The following RAP1GAP2 variants were observed in gnomAD, a reference collection of about 807,000 sequenced individuals.
RAP1GAP2 encodes rap1 GTPase-activating protein 2.
A neutral mutation model predicts 95.0 loss-of-function variants in RAP1GAP2; 27 were observed. The ratio of observed to expected loss-of-function variants is 0.28; its 90% CI spans 0.21 to 0.39. The LOEUF is 0.39. RAP1GAP2 is among the 10% of genes least tolerant of loss of function. The probability of loss-of-function intolerance (pLI) is 1.00; values close to 1 mark genes in which losing one functional copy is unlikely to be tolerated. For synonymous variants in RAP1GAP2, 373 were observed against 380.9 expected, an observed-to-expected ratio of 0.98 and a Z score of 0.24; for missense variants, 771 against 970.0, an observed-to-expected ratio of 0.79 and a Z score of 2.72.
At chr17:2,808,177 G>C (rs1193796642) in intron 2 of RAP1GAP2, among the ~76,000 whole-genome samples, 2 of 152,228 alleles carry the variant, frequency 1.3e-5, no homozygotes, top group Admixed American at 1.3e-4. Flanking sequence ...GGTGTGACAA[G>C]GACCCCGTTT....
At chr17:2,993,443 C>A (rs900291494) in intron 12 of RAP1GAP2, among the ~76,000 whole-genome samples, 5 of 133,596 alleles carry the variant, frequency 3.7e-5, no homozygotes, top group Non-Finnish European at 6.5e-5. Flanking sequence ...CGTGGTGGCA[C>A]GTGCCTGTAG....
rs66503004 is a variant in RAP1GAP2 at position 2,822,627 on chromosome 17, G to GT, written c.80+22100dup. Among the ~76,000 whole-genome samples the GT allele has an allele frequency of 8.0e-3, 1,020 of 127,744 alleles. 4 individuals carry two copies. Among genetic ancestry groups the GT allele is most frequent in the East Asian group, 0.029 (111 of 3,798 alleles). The allele number at this position is 127,744 out of a possible 152,430, so 83.8% of individuals were successfully genotyped here. On this transcript the variant is annotated intron_variant, in intron 2 of 24. Transcript: ENST00000254695. ...GGACAATAAAACCCTGTTTTTTTTT[G>GT]TTTTTTTTTTTTTTTTTTTTTTTAA...
In RAP1GAP2 at chr17:2,985,724, G is replaced by A. The variant is rs532250392; in HGVS notation, c.813+658G>A. Among the ~76,000 whole-genome samples, 45 of 152,254 alleles carry A rather than the reference G, an allele frequency of 3.0e-4. No individual in the cohort carries two copies. The South Asian group carries it at 8.1e-3, about 27-fold the overall frequency. ...TTCTCAAAGTGTGTTTCATGAATGCGAGTCTGATGGTGTACTCTGTGAGCA... is the reference window on the plus strand; with the variant it reads ...TTCTCAAAGTGTGTTTCATGAATGCAAGTCTGATGGTGTACTCTGTGAGCA... On this transcript the variant is annotated intron_variant, in intron 11 of 24. Coordinates refer to ENST00000254695, the MANE Select transcript of RAP1GAP2 (RefSeq NM_015085.5).
chr17:2,768,261 A>G (rs1413796735), intron 1 of RAP1GAP2, among the ~76,000 whole-genome samples: 2 of 152,212 alleles, frequency 1.3e-5, no homozygotes, highest in African/African-American at 2.4e-5. Flanking sequence ...GGTTGTACCA[A>G]GTGACATTCC....
intron 2 of RAP1GAP2, among the ~76,000 whole-genome samples, chr17:2,897,765 C>T (rs772058714): frequency 2.6e-5 from 4 of 152,068 alleles, no homozygotes; most frequent in Non-Finnish European, 4.4e-5. Context: ...GGGGTTTGGG[C>T]GGTTCCCTCG....
rs58436827 is a variant in RAP1GAP2, at chr17:2,769,232, T to TAAAAAAAA, written c.51-1064_51-1057dup. Among the ~76,000 whole-genome samples the TAAAAAAAA allele has an allele frequency of 6.8e-4, 29 of 42,912 alleles. 1 individual carries two copies. The highest frequency in any genetic ancestry group is 1.1e-3 in the Non-Finnish European group (27 of 24,556). The allele number at this position is 42,912 out of a possible 152,430, so 28.2% of individuals were successfully genotyped here. ...GGATGAGAAAGTGAAACCATTTCTC[T>TAAAAAAAA]AAAAAAAAAAAAAAAAAAAAAAAAA... On this transcript the variant is annotated intron_variant, in intron 1 of 25. Transcript: ENST00000637138.
At position 2,942,983 on chromosome 17, in the gene RAP1GAP2, G is replaced by A. The variant is rs556973694; in HGVS notation, c.166-14776G>A. Among the ~76,000 whole-genome samples, 37 of 152,156 alleles carry A rather than the reference G, an allele frequency of 2.4e-4. 1 individual carries two copies. Among genetic ancestry groups the A allele is most frequent in the South Asian group, 8.3e-4 (4 of 4,818 alleles). The stretch of plus-strand genomic sequence containing the variant: ...GGGGTTTCACCATGTTGGTCAGGCT[G>A]GTCTTGAACTCCTGACCTCAAGTGA... On this transcript the variant is annotated intron_variant, in intron 3 of 24. Transcript: ENST00000254695.
chr17:3,020,374 T>C lies in RAP1GAP2; in HGVS notation c.1633-103T>C, dbSNP rs1195476425. The C allele has an allele frequency of 6.9e-6, 6 of 864,716 alleles. No individual in the cohort carries two copies. In the African/African-American group the frequency reaches 8.4e-5, roughly 12 times the overall value. 53.6% of individuals were successfully genotyped at this position (864,716 alleles called of 1,614,324 possible). A position where few individuals can be genotyped will look rare whatever the true frequency, so the allele number is the denominator to read the frequency against. ...CTAGCTGTCTTGCTATTTTCTGGGG[T>C]CTCTTCCAGACCAGGAGCCATTTGT... On this transcript the variant is annotated intron_variant, in intron 18 of 24. Coordinates refer to ENST00000254695, the MANE Select transcript of RAP1GAP2 (RefSeq NM_015085.5).
intron 8 of RAP1GAP2, among the ~76,000 whole-genome samples, chr17:2,975,831 C>T (rs961740241): frequency 2.6e-5 from 4 of 152,220 alleles, no homozygotes; most frequent in East Asian, 1.9e-4. Flanking sequence ...CACACTAAGC[C>T]GTGTGCTCCC....
intron 3 of RAP1GAP2, among the ~76,000 whole-genome samples, chr17:2,911,553 C>T (rs2042382352): frequency 6.6e-6 from 1 of 151,968 alleles, no homozygotes; most frequent in East Asian, 1.9e-4. Flanking sequence ...TGCAGTCCTC[C>T]ACCCTCAGAG....
chr17:3,018,506 C>A (rs1047102099), intron 18 of RAP1GAP2, among the ~76,000 whole-genome samples: 3 of 152,120 alleles, frequency 2.0e-5, no homozygotes, highest in African/African-American at 7.2e-5. Context: ...CAGTGTGGTC[C>A]TGGGGTGTGT....
intron 22 of RAP1GAP2, among the ~76,000 whole-genome samples, chr17:3,028,562 G>A (rs1597911152): frequency 6.6e-6 from 1 of 152,210 alleles, no homozygotes; most frequent in African/African-American, 2.4e-5. Context: ...TTCACACAGC[G>A]AAGGGATGTT....
Position 2,981,189 on chromosome 17 carries a change from T to C in RAP1GAP2, c.676-6T>C. The stretch of plus-strand genomic sequence containing the variant: ...CCCTGACCTGCGTCTTCTTCTCCCT[T>C]CTCAGGCTTTCTGTGATGATGCAGT... On this transcript the variant is annotated splice_polypyrimidine_tract_variant and splice_region_variant and intron_variant, in intron 9 of 24. Transcript: ENST00000254695. The C allele has an allele frequency of 1.2e-6, 2 of 1,612,050 alleles. No homozygotes were observed. The highest frequency in any genetic ancestry group is 1.7e-6 in the Non-Finnish European group (2 of 1,178,922).
chr17:2,961,035 G>C (rs1054465867), intron 4 of RAP1GAP2, among the ~76,000 whole-genome samples: 2 of 151,888 alleles, frequency 1.3e-5, no homozygotes, highest in Admixed American at 6.6e-5. Flanking sequence ...GGGCAACATG[G>C]TGAAACCCCA....
At chr17:2,863,934 C>A (rs2072515652) in intron 2 of RAP1GAP2, among the ~76,000 whole-genome samples, 1 of 152,086 alleles carries the variant, frequency 6.6e-6, no homozygotes, top group Non-Finnish European at 1.5e-5. Flanking sequence ...TGCCTGTAAT[C>A]CCAGCTACTC....
rs186558472 is a variant in RAP1GAP2, at chr17:2,939,081, C to T, written c.166-18678C>T. ...CACACCCCTTTCCAGTCCTCCAAGC[C>T]ACCACTTATTCTTTTTTTTTCTTTT... On this transcript the variant is annotated intron_variant, in intron 3 of 24. Coordinates refer to ENST00000254695, the MANE Select transcript of RAP1GAP2 (RefSeq NM_015085.5). Among the ~76,000 whole-genome samples, 15 of 152,268 alleles carry T rather than the reference C, an allele frequency of 9.9e-5. No individual in the cohort carries two copies. In the East Asian group the frequency reaches 2.9e-3, roughly 29 times the overall value.
chr17:2,861,247 C>T (rs574853597), intron 2 of RAP1GAP2, among the ~76,000 whole-genome samples: 2 of 152,076 alleles, frequency 1.3e-5, no homozygotes, highest in East Asian at 1.9e-4. Flanking sequence ...CTCCATGGTA[C>T]TCCTCATTTA....
chr17:2,820,572 A>T (rs2070242627), intron 2 of RAP1GAP2, among the ~76,000 whole-genome samples: 1 of 149,548 alleles, frequency 6.7e-6, no homozygotes, highest in Non-Finnish European at 1.5e-5. Flanking sequence ...GTGAGCTGAG[A>T]TCTCATCACT....
intron 2 of RAP1GAP2, 99 bp from the exon 3 acceptor site, chr17:2,905,185 C>A: frequency 8.9e-7 from 1 of 1,128,876 alleles, no homozygotes; most frequent in Non-Finnish European, 1.3e-6. Flanking sequence ...ACCCAGCCTG[C>A]ATTGTATGTT....
Sources: gnomAD v4.1 joint callset for allele counts (sites outside exome capture counted in the v4.1 genomes callset) on GRCh38, gnomAD v4.1.1 for gene constraint, MANE v1.5 for transcripts, NCBI Gene and HGNC (gene_info 2026-07-23, HGNC 2026-07-21) for gene names.